The following GABRA4 variants were observed in gnomAD, a reference collection of about 807,000 sequenced individuals.
GABRA4 encodes gamma-aminobutyric acid receptor subunit alpha-4.
GABRA4 carries 12 observed loss-of-function variants against 49.7 expected under a neutral mutation model. The observed-to-expected ratio is 0.24, with a 90% CI of 0.15 to 0.39. The LOEUF (loss-of-function observed/expected upper bound fraction) is 0.39, where lower values mean the gene tolerates loss of function less well. GABRA4 is among the 10% of genes least tolerant of loss of function. The probability of loss-of-function intolerance (pLI) is 1.00; values close to 1 mark genes in which losing one functional copy is unlikely to be tolerated. For synonymous variants in GABRA4, 288 were observed against 240.2 expected, an observed-to-expected ratio of 1.20 and a Z score of -1.84; for missense variants, 506 against 686.0, an observed-to-expected ratio of 0.74 and a Z score of 2.93.
At chr4:46,937,146 A>G (rs1721628325) in intron 8 of GABRA4, among the ~76,000 whole-genome samples, 1 of 152,168 alleles carries the variant, frequency 6.6e-6, no homozygotes, top group Admixed American at 6.5e-5. Context: ...AAAAAGAAAT[A>G]CCAGGTTTCT....
intron 1 of GABRA4, 52 bp downstream of exon 1, chr4:46,993,287 A>T: frequency 6.7e-7 from 1 of 1,485,328 alleles, no homozygotes; most frequent in Non-Finnish European, 9.4e-7. Context: ...TCCCGGAGCT[A>T]GCCATTTCTC....
At position 46,960,889 on chromosome 4, in the gene GABRA4, A is replaced by G. The variant is rs1361288654; in HGVS notation, c.1134+4081T>C. 2.0e-5 allele frequency among the ~76,000 whole-genome samples: 3 copies of G among 151,820 alleles called. No individual in the cohort carries two copies. The South Asian group carries it at 6.2e-4, about 31-fold the overall frequency. On this transcript the variant is annotated intron_variant, in intron 8 of 8. Transcript: ENST00000264318. ...AATCATGACTCAATAATTAGAAAAT[A>G]GAAACAATGAAATAAATAAATAAAT...
At chr4:46,982,980 G>A (rs191375608) in intron 2 of GABRA4, among the ~76,000 whole-genome samples, 1 of 152,098 alleles carries the variant, frequency 6.6e-6, no homozygotes, top group Admixed American at 6.6e-5. Context: ...ACTATTTATT[G>A]AAGATGAATT....
chr4:46,937,100 G>A (rs1312447446), intron 8 of GABRA4, among the ~76,000 whole-genome samples: 1 of 152,176 alleles, frequency 6.6e-6, no homozygotes, highest in East Asian at 1.9e-4. Context: ...CACAAAGGTG[G>A]AGCCCTGTCC....
intron 8 of GABRA4, among the ~76,000 whole-genome samples, chr4:46,952,379 C>T (rs1472679262): frequency 2.6e-5 from 4 of 152,064 alleles, no homozygotes; most frequent in Non-Finnish European, 5.9e-5. Flanking sequence ...TTAAGAAAAG[C>T]ATGCCATGCC....
At chr4:46,960,499 G>A (rs1346192514) in intron 8 of GABRA4, among the ~76,000 whole-genome samples, 3 of 151,506 alleles carry the variant, frequency 2.0e-5, no homozygotes, top group African/African-American at 7.2e-5. Context: ...ATAGCTCAGG[G>A]CACAGTTAAA....
intron 2 of GABRA4, among the ~76,000 whole-genome samples, chr4:46,980,626 A>T (rs1405581165): frequency 6.6e-6 from 1 of 152,094 alleles, no homozygotes; most frequent in Admixed American, 6.6e-5. Flanking sequence ...TAATGTTTTC[A>T]AGACTACATC....
At chr4:46,966,719 A>G (rs2109378282) in intron 7 of GABRA4, among the ~76,000 whole-genome samples, 1 of 151,890 alleles carries the variant, frequency 6.6e-6, no homozygotes, top group East Asian at 1.9e-4. Context: ...TTAGAACATG[A>G]AAAATTGGAG....
chr4:46,987,370 A>C (rs867816091), intron 2 of GABRA4, among the ~76,000 whole-genome samples: 8 of 152,130 alleles, frequency 5.3e-5, no homozygotes, highest in Non-Finnish European at 1.2e-4. Context: ...TATTCTACTT[A>C]AAATTGCAAC....
chr4:46,973,826 G>C (rs1388938679), intron 6 of GABRA4, among the ~76,000 whole-genome samples: 1 of 151,602 alleles, frequency 6.6e-6, no homozygotes, highest in Non-Finnish European at 1.5e-5. Flanking sequence ...CAGAAAATGA[G>C]AGAAAGTGGC....
chr4:46,976,977 G>T (rs1166411101), intron 5 of GABRA4, 84 bp downstream of exon 5: 2 of 766,190 alleles, frequency 2.6e-6, no homozygotes, highest in East Asian at 5.7e-5. Flanking sequence ...TTAAATGTTG[G>T]ATTATGAAAA....
chr4:46,954,570 A>AC (rs1377927879), intron 8 of GABRA4, among the ~76,000 whole-genome samples: 1 of 152,058 alleles, frequency 6.6e-6, no homozygotes, highest in African/African-American at 2.4e-5. Context: ...AAAAAAAAAA[A>AC]AAAGAGTGCA....
In GABRA4 at chr4:46,922,024, A is replaced by G. The variant is rs1721051524; in HGVS notation, c.*6201T>C. 6.6e-6 allele frequency: 1 copy of G among 152,132 alleles called. No homozygotes were observed. Among genetic ancestry groups the G allele is most frequent in the Admixed American group, 6.6e-5 (1 of 15,252 alleles). The allele number at this position is 152,132 out of a possible 1,614,324, so 9.4% of individuals were successfully genotyped here. On this transcript the variant is annotated 3_prime_UTR_variant, in exon 9 of 9. Transcript: ENST00000264318. ...AGTGTAAACAGGCAAGAAAAAGACA[A>G]AATCTGTCTTCATACGATTTTACTA...
chr4:46,942,835 T>C (rs1451409787), intron 8 of GABRA4, among the ~76,000 whole-genome samples: 1 of 152,026 alleles, frequency 6.6e-6, no homozygotes, highest in Non-Finnish European at 1.5e-5. Context: ...TATCACAGTT[T>C]TCTTAATCTT....
At chr4:46,968,299 T>G (rs1330779117) in intron 7 of GABRA4, among the ~76,000 whole-genome samples, 1 of 151,432 alleles carries the variant, frequency 6.6e-6, no homozygotes, top group Non-Finnish European at 1.5e-5. Flanking sequence ...AAGACTTAAT[T>G]ACAGACATAA....
At chr4:46,958,037 G>A (rs1230750139) in intron 8 of GABRA4, among the ~76,000 whole-genome samples, 1 of 151,710 alleles carries the variant, frequency 6.6e-6, no homozygotes, top group East Asian at 1.9e-4. Flanking sequence ...GTATATGTGT[G>A]CATTTATATG....
At chr4:46,952,472 A>G (rs1722204901) in intron 8 of GABRA4, among the ~76,000 whole-genome samples, 1 of 152,134 alleles carries the variant, frequency 6.6e-6, no homozygotes, top group East Asian at 1.9e-4. Context: ...TTTTCCAAAG[A>G]CATTTTTCAT....
intron 8 of GABRA4, among the ~76,000 whole-genome samples, chr4:46,937,730 A>G (rs1721649352): frequency 6.6e-6 from 1 of 152,164 alleles, no homozygotes; most frequent in Non-Finnish European, 1.5e-5. Context: ...AAAATTGCCT[A>G]GATAAGATTC....
intron 8 of GABRA4, among the ~76,000 whole-genome samples, chr4:46,959,067 T>C (rs1028396435): frequency 6.6e-6 from 1 of 152,036 alleles, no homozygotes; most frequent in African/African-American, 2.4e-5. Context: ...TAAATATTTC[T>C]TTCTAGTTAT....
Sources: allele counts gnomAD v4.1 joint callset (sites outside exome capture counted in the v4.1 genomes callset), GRCh38; gene constraint gnomAD v4.1.1; transcripts MANE v1.5; gene names NCBI Gene and HGNC (gene_info 2026-07-23, HGNC 2026-07-21).